NAALADL2: variants seen among roughly 807,000 people sequenced by gnomAD.
NAALADL2 encodes inactive N-acetylated-alpha-linked acidic dipeptidase-like protein 2.
Under a neutral mutation model 87.2 loss-of-function variants are expected in NAALADL2, and 76 were observed. The ratio of observed to expected loss-of-function variants is 0.87; its 90% confidence interval spans 0.72 to 1.05. NAALADL2 has a LOEUF of 1.05. NAALADL2 is among the 50% of genes least tolerant of loss of function. The pLI, the probability that NAALADL2 is intolerant of heterozygous loss-of-function variation, is 0.00. For synonymous variants in NAALADL2, 354 were observed against 331.0 expected (o/e 1.07, Z -0.75); for missense variants, 1,089 against 945.8 (o/e 1.15, Z -1.99).
chr3:174,843,214 A>G (rs1018313824), intron 3 of NAALADL2, among the ~76,000 whole-genome samples: 3 of 152,136 alleles, frequency 2.0e-5, no homozygotes, highest in African/African-American at 2.4e-5. Context: ...TTCTTCTAAT[A>G]GTAATCTTGT....
At chr3:174,769,944 A>G (rs936560589) in intron 3 of NAALADL2, among the ~76,000 whole-genome samples, 3 of 151,796 alleles carry the variant, frequency 2.0e-5, no homozygotes, top group African/African-American at 7.2e-5. Flanking sequence ...TTTTTGGCAT[A>G]AGATAGTTAT....
At chr3:175,513,433 A>C (rs1731430166) in intron 9 of NAALADL2, among the ~76,000 whole-genome samples, 1 of 152,204 alleles carries the variant, frequency 6.6e-6, no homozygotes, top group Non-Finnish European at 1.5e-5. Context: ...GAACATTTTC[A>C]TTATTACTGA....
At chr3:175,200,923 T>G (rs1739925524) in intron 2 of NAALADL2, among the ~76,000 whole-genome samples, 1 of 152,106 alleles carries the variant, frequency 6.6e-6, no homozygotes, top group Non-Finnish European at 1.5e-5. Context: ...ATCCCTGCAC[T>G]CCAATCCAAG....
chr3:175,276,853 C>G (rs1340288537), intron 4 of NAALADL2, among the ~76,000 whole-genome samples: 1 of 151,552 alleles, frequency 6.6e-6, no homozygotes, highest in Non-Finnish European at 1.5e-5. Flanking sequence ...TTGACTAATC[C>G]CATTATTCCC....
At chr3:174,961,198 G>A (rs1741941178) in intron 1 of NAALADL2, among the ~76,000 whole-genome samples, 1 of 150,404 alleles carries the variant, frequency 6.6e-6, no homozygotes. Flanking sequence ...TGCCCAGACT[G>A]GTCTCAAACT....
chr3:174,960,760 G>A (rs111679173), intron 1 of NAALADL2, among the ~76,000 whole-genome samples: 2 of 151,936 alleles, frequency 1.3e-5, no homozygotes, highest in African/African-American at 2.4e-5. Context: ...CCAGTGCAGG[G>A]TATTATAAGT....
upstream of NAALADL2, among the ~76,000 whole-genome samples, chr3:174,858,906 T>G (rs1233534254): frequency 6.6e-6 from 1 of 152,006 alleles, no homozygotes; most frequent in African/African-American, 2.4e-5. Context: ...AATCCAAAAC[T>G]TGTCTTCACA....
At chr3:174,605,342 C>T (rs530518544) in intron 2 of NAALADL2, among the ~76,000 whole-genome samples, 97 of 152,188 alleles carry the variant, frequency 6.4e-4, no homozygotes, top group African/African-American at 2.2e-3. Flanking sequence ...GCGCACCGTG[C>T]GCAAGCCGAA....
At chr3:175,496,121 TAGTA>T (rs934675686) in intron 9 of NAALADL2, among the ~76,000 whole-genome samples, 31 of 152,200 alleles carry the variant, frequency 2.0e-4, no homozygotes, top group African/African-American at 7.2e-4. Flanking sequence ...ATAATGCAAA[TAGTA>T]AGTAAATTTA....
chr3:174,558,937 T>C lies in NAALADL2; in HGVS notation c.-115+8300T>C, dbSNP rs181200850. On this transcript the variant is annotated intron_variant, in intron 2 of 3. Coordinates refer to the NAALADL2 transcript ENST00000434257. ...GTTCTGTATACATGAAAATATGACA[T>C]AAAATAGAGTTGCCTTTCAAATCTG... 1.5e-3 allele frequency among the ~76,000 whole-genome samples: 234 copies of C among 152,168 alleles called. 1 individual carries two copies. Among genetic ancestry groups the C allele is most frequent in the African/African-American group, 5.3e-3 (222 of 41,544 alleles).
upstream of NAALADL2, among the ~76,000 whole-genome samples, chr3:174,856,003 T>A (rs1433452585): frequency 2.9e-5 from 4 of 137,698 alleles, no homozygotes; most frequent in Non-Finnish European, 6.2e-5. Context: ...TATATATATA[T>A]GAGAGAGAGA....
chr3:175,587,385 T>C (rs1457666404), intron 10 of NAALADL2, among the ~76,000 whole-genome samples: 1 of 152,228 alleles, frequency 6.6e-6, no homozygotes, highest in Non-Finnish European at 1.5e-5. Context: ...TAGTTGATTC[T>C]GAAATTTAGT....
chr3:174,689,082 T>A (rs514145), intron 2 of NAALADL2, among the ~76,000 whole-genome samples: 128,199 of 152,044 alleles, frequency 0.84, 54,439 homozygotes, highest in African/African-American at 0.95. Flanking sequence ...ATATATGGCA[T>A]AGCAATAATA....
chr3:174,931,906 A>C (rs761955424), intron 1 of NAALADL2, among the ~76,000 whole-genome samples: 3 of 152,236 alleles, frequency 2.0e-5, no homozygotes, highest in African/African-American at 2.4e-5. Context: ...TCACCTTGAA[A>C]TTTATAATTC....
In NAALADL2 at chr3:175,239,153, G is replaced by A. The variant is rs570557464; in HGVS notation, c.819+4949G>A. ...TTGTAATTCATCGTGCACTAGAAAG[G>A]TGACATAGTTTACCCCATCATAATG... On this transcript the variant is annotated intron_variant, in intron 3 of 13. Coordinates refer to ENST00000454872, the MANE Select transcript of NAALADL2 (RefSeq NM_207015.3). Among the ~76,000 whole-genome samples, 49 of 152,252 alleles carry A rather than the reference G, an allele frequency of 3.2e-4. No homozygotes were observed. In the South Asian group the frequency reaches 9.1e-3, roughly 28 times the overall value.
chr3:175,460,298 G>A (rs1722922214), intron 6 of NAALADL2: 1 of 428,798 alleles, frequency 2.3e-6, no homozygotes, highest in Admixed American at 2.6e-5. Context: ...TTTCAGATGT[G>A]AGTATGGAAT....
rs550945689 is a variant in NAALADL2, at chr3:174,654,889, C to T, written c.-114-82752C>T. 4.5e-3 allele frequency among the ~76,000 whole-genome samples: 692 copies of T among 152,188 alleles called. 5 individuals carry two copies. The highest frequency in any genetic ancestry group is 0.016 in the African/African-American group (672 of 41,516). On this transcript the variant is annotated intron_variant, in intron 2 of 3. Coordinates refer to the NAALADL2 transcript ENST00000434257. The stretch of plus-strand genomic sequence containing the variant: ...TATCTGGGACTACAGGCGCCCACCA[C>T]CATGCCCGCCTAATTTTTTGTATTT...
chr3:175,422,458 T>G (rs1454424039), intron 5 of NAALADL2, among the ~76,000 whole-genome samples: 3 of 152,088 alleles, frequency 2.0e-5, no homozygotes, highest in Non-Finnish European at 4.4e-5. Context: ...TTCCTGTCCT[T>G]TAGTTAATTA....
intron 10 of NAALADL2, among the ~76,000 whole-genome samples, chr3:175,621,812 A>T (rs890049019): frequency 3.3e-5 from 5 of 152,192 alleles, no homozygotes; most frequent in African/African-American, 1.2e-4. Flanking sequence ...GGAGTTGAGC[A>T]TCTGTTTTGG....
Sources: gnomAD v4.1 joint callset for allele counts (sites outside exome capture counted in the v4.1 genomes callset) on GRCh38, gnomAD v4.1.1 for gene constraint, MANE v1.5 for transcripts, NCBI Gene and HGNC (gene_info 2026-07-23, HGNC 2026-07-21) for gene names.